CHRM5: variants seen among roughly 807,000 people sequenced by gnomAD.
CHRM5 encodes the protein cholinergic receptor muscarinic 5.
Under a neutral mutation model 39.0 loss-of-function variants are expected in CHRM5, and 18 were observed. The observed-to-expected ratio is 0.46, with a 90% CI of 0.32 to 0.68. The LOEUF (loss-of-function observed/expected upper bound fraction) is 0.68, where lower values mean the gene tolerates loss of function less well. Ranked by LOEUF, CHRM5 falls within the 30% of genes least tolerant of loss-of-function variation. The pLI is 0.04. For missense variants in CHRM5, 515 were observed against 651.1 expected, an observed-to-expected ratio of 0.79 and a Z score of 2.28; for synonymous variants, 241 against 246.3, an observed-to-expected ratio of 0.98 and a Z score of 0.20.
chr15:34,008,199 T>C (rs1399020222), intron 1 of CHRM5, among the ~76,000 whole-genome samples: 2 of 152,000 alleles, frequency 1.3e-5, no homozygotes, highest in African/African-American at 4.8e-5. Context: ...GGCAGAAGGA[T>C]TGCTTGAGGC....
Position 34,063,839 on chromosome 15 carries a change from G to C in CHRM5, c.1122G>C (p.Gln374His). Residue 374 changes from glutamine to histidine, a missense_variant, in exon 3 of 3, where the codon CAG (glutamine) becomes CAC (histidine). Physicochemically the swap from Gln to His is conservative, Grantham distance 24. Transcript: ENST00000383263. The surrounding 1 kb of genome is among the most constrained non-coding windows in gnomAD (Gnocchi z 4.1). ...SPAAAHRPKS[Q>H]KCVAYKFRLV... is the part of the protein sequence containing the mutation. ...CAGCTGCTCATAGACCCAAGAGTCA[G>C]AAATGTGTGGCCTATAAGTTCCGAT... is the stretch of plus-strand genomic sequence containing the variant. The C allele has an allele frequency of 6.2e-7, 1 of 1,614,194 alleles. No homozygotes were observed. Among genetic ancestry groups the C allele is most frequent in the Non-Finnish European group, 8.5e-7 (1 of 1,180,040 alleles).
intron 1 of CHRM5, chr15:34,039,035 C>T: frequency 8.9e-7 from 1 of 1,118,618 alleles, no homozygotes; most frequent in Non-Finnish European, 1.1e-6. Flanking sequence ...GAGCTCCTCG[C>T]TCCGCCTGCA....
chr15:34,005,844 A>T (rs1897315656), intron 1 of CHRM5, among the ~76,000 whole-genome samples: 1 of 152,186 alleles, frequency 6.6e-6, no homozygotes, highest in Non-Finnish European at 1.5e-5. Context: ...ATATCATCAT[A>T]AGCCTCCCTG....
chr15:34,001,515 A>AT (rs1316275306), intron 1 of CHRM5, among the ~76,000 whole-genome samples: 1 of 152,156 alleles, frequency 6.6e-6, no homozygotes, highest in Non-Finnish European at 1.5e-5. Context: ...ACCAGCTCAT[A>AT]TTTTACCTTC....
chr15:34,053,340 A>ATATATATATG (rs1900014316), intron 2 of CHRM5, among the ~76,000 whole-genome samples: 1 of 141,808 alleles, frequency 7.1e-6, no homozygotes, highest in Non-Finnish European at 1.5e-5. Context: ...ATATATATAT[A>ATATATATATG]TATGGAACTG....
At chr15:34,035,047 T>G (rs544060957) in intron 1 of CHRM5, among the ~76,000 whole-genome samples, 2 of 152,298 alleles carry the variant, frequency 1.3e-5, no homozygotes, top group East Asian at 3.9e-4. Context: ...CACCATTTCT[T>G]CCCTCCAGGT....
At chr15:34,051,973 G>A (rs187753839) in intron 2 of CHRM5, among the ~76,000 whole-genome samples, 2 of 152,204 alleles carry the variant, frequency 1.3e-5, no homozygotes, top group African/African-American at 4.8e-5. Flanking sequence ...TGAAAAGGAG[G>A]GACTCCTCCC....
intron 2 of CHRM5, among the ~76,000 whole-genome samples, chr15:34,060,555 G>T (rs1345244014): frequency 6.6e-6 from 1 of 152,152 alleles, no homozygotes; most frequent in Non-Finnish European, 1.5e-5. Flanking sequence ...AAATAAAATT[G>T]CCCACATGGG....
chr15:34,019,857 C>T (rs1354888297), intron 1 of CHRM5, among the ~76,000 whole-genome samples: 1 of 152,158 alleles, frequency 6.6e-6, no homozygotes, highest in Admixed American at 6.5e-5. Context: ...GTTTCTCAGA[C>T]TATATCCCCA....
chr15:34,050,375 C>T (rs1027863936), intron 2 of CHRM5, among the ~76,000 whole-genome samples: 3 of 152,130 alleles, frequency 2.0e-5, no homozygotes, highest in Non-Finnish European at 4.4e-5. Context: ...AAAGAAAACC[C>T]GTTACCGGAC....
At chr15:33,969,330 A>G (rs1895526878) in intron 1 of CHRM5, among the ~76,000 whole-genome samples, 180 bp downstream of exon 1, 1 of 152,036 alleles carries the variant, frequency 6.6e-6, no homozygotes, top group Non-Finnish European at 1.5e-5. Flanking sequence ...TCAGAACTAG[A>G]TAATAAAGCA....
At chr15:33,976,820 T>C (rs1328539518) in intron 1 of CHRM5, among the ~76,000 whole-genome samples, 1 of 152,314 alleles carries the variant, frequency 6.6e-6, no homozygotes, top group African/African-American at 2.4e-5. Context: ...GCTGAACTTT[T>C]GAAACAAACA....
rs369937575 is a variant in CHRM5 at position 34,063,150 on chromosome 15, A to C, written c.433A>C (p.Lys145Gln). 6.2e-7 allele frequency: 1 copy of C among 1,614,140 alleles called. No homozygotes were observed. The highest frequency in any genetic ancestry group is 1.7e-5 in the Admixed American group (1 of 60,018). Reference sequence around the variant, plus strand: ...GACATATCGGGCCAAGCGTACTCCGAAAAGGGCTGGCATCATGATTGGCTT... The same window carrying C: ...GACATATCGGGCCAAGCGTACTCCGCAAAGGGCTGGCATCATGATTGGCTT... ...PLTYRAKRTP[K>Q]RAGIMIGLAW... Residue 145 changes from lysine (K) to glutamine (Q), a missense_variant, in exon 3 of 3, where the codon AAA becomes CAA. Transcript: ENST00000383263. This position sits in a 1 kb window ranked among gnomAD's most constrained non-coding sequence, Gnocchi z 4.1.
intron 1 of CHRM5, among the ~76,000 whole-genome samples, chr15:33,990,120 C>T (rs550157039): frequency 3.3e-4 from 50 of 152,150 alleles, no homozygotes; most frequent in African/African-American, 1.2e-3. Flanking sequence ...AGGAGAATCA[C>T]TTGAACCTGG....
intron 1 of CHRM5, among the ~76,000 whole-genome samples, chr15:33,969,846 A>C (rs1895554820): frequency 6.6e-6 from 1 of 152,084 alleles, no homozygotes; most frequent in South Asian, 2.1e-4. Flanking sequence ...CAAACTGTAA[A>C]ATGCAAAGCA....
At position 33,983,154 on chromosome 15, in the gene CHRM5, G is replaced by GTATATA. The variant is rs1555512743; in HGVS notation, c.-408+14005_-408+14006insATATAT. ...TGTGTGTGTGTGTGTGTGTGTGTGT[G>GTATATA]TGTGTATGTGTGTGTGTATATATAC... On this transcript the variant is annotated intron_variant, in intron 1 of 2. Transcript: ENST00000383263. Among the ~76,000 whole-genome samples the GTATATA allele has an allele frequency of 1.7e-3, 194 of 111,748 alleles. 2 individuals carry two copies. The highest frequency in any genetic ancestry group is 7.7e-3 in the African/African-American group (177 of 23,082). The allele number at this position is 111,748 out of a possible 152,430, so 73.3% of individuals were successfully genotyped here. A position where few individuals can be genotyped will look rare whatever the true frequency, so the allele number is the denominator to read the frequency against.
At chr15:34,038,380 A>G (rs1057228574) in intron 1 of CHRM5, among the ~76,000 whole-genome samples, 6 of 152,204 alleles carry the variant, frequency 3.9e-5, no homozygotes, top group African/African-American at 1.4e-4. Flanking sequence ...GTGCCCGTAA[A>G]GGCTGCCGAG....
chr15:34,047,500 A>G (rs1899752229), intron 2 of CHRM5, among the ~76,000 whole-genome samples: 1 of 152,154 alleles, frequency 6.6e-6, no homozygotes, highest in Non-Finnish European at 1.5e-5. Context: ...TGCAGGCCCC[A>G]CTTCCCTGGC....
At chr15:34,016,817 C>T (rs1436420092) in intron 1 of CHRM5, among the ~76,000 whole-genome samples, 1 of 152,158 alleles carries the variant, frequency 6.6e-6, no homozygotes, top group Non-Finnish European at 1.5e-5. Flanking sequence ...TTCTAAATAA[C>T]TCAGGTTCAC....
Sources: allele counts gnomAD v4.1 joint callset (sites outside exome capture counted in the v4.1 genomes callset), GRCh38; gene constraint gnomAD v4.1.1; non-coding constraint Gnocchi (gnomAD v3.1); transcripts MANE v1.5; gene names NCBI Gene and HGNC (gene_info 2026-07-23, HGNC 2026-07-21).